UMODL1: variants seen among roughly 807,000 people sequenced by gnomAD.
The protein encoded by UMODL1 is uromodulin like 1, also known as uromodulin-like 1.
In UMODL1, 128 loss-of-function variants were observed where a neutral mutation model predicts 136.3. The observed-to-expected ratio is 0.94, with a 90% CI of 0.81 to 1.09. The LOEUF (loss-of-function observed/expected upper bound fraction) is 1.09, where lower values mean the gene tolerates loss of function less well. Among genes scored for constraint, UMODL1 ranks in the 50% least tolerant of loss-of-function variants. UMODL1 has a pLI of 0.00. For synonymous variants in UMODL1, 721 were observed against 720.0 expected (o/e 1.00, Z -0.02); for missense variants, 1,766 against 1,725.6 (o/e 1.02, Z -0.41).
In UMODL1 at chr21:42,122,855, G is replaced by A. The variant is rs770492296; in HGVS notation, c.2852G>A (p.Trp951Ter). The change falls in exon 17 of 23, where the codon TGG becomes TAG. Residue 951 changes from tryptophan to a stop codon, truncating the protein, a stop_gained. Coordinates refer to ENST00000408910, the MANE Select transcript of UMODL1 (RefSeq NM_001004416.3). LOFTEE classifies it high-confidence loss of function. This position sits in a 1 kb window ranked among gnomAD's most constrained non-coding sequence, Gnocchi z 4.3. ...GGTGACTCTCCTGGCAATGAAACCT[G>A]GGCCACCAGCCCAGAGAGGCCTCTC... ...CEGDSPGNET[W>*]ATSPERPLTT... 1.2e-6 allele frequency: 2 copies of A among 1,601,032 alleles called. No homozygotes were observed. The highest frequency in any genetic ancestry group is 2.2e-5 in the South Asian group (2 of 90,496).
upstream of UMODL1, among the ~76,000 whole-genome samples, chr21:42,069,259 C>CACACACACACAT (rs1418760211): frequency 6.6e-6 from 1 of 151,810 alleles, no homozygotes; most frequent in African/African-American, 2.4e-5. Flanking sequence ...CACACACACA[C>CACACACACACAT]ACACACACAA....
At chr21:42,070,705 A>G (rs1400483978), upstream of UMODL1, among the ~76,000 whole-genome samples, 2 of 152,220 alleles carry the variant, frequency 1.3e-5, no homozygotes, top group Non-Finnish European at 2.9e-5. Flanking sequence ...CTGTCCAATT[A>G]TGTAATTTCC....
chr21:42,110,318 C>T (rs915339525), intron 10 of UMODL1, among the ~76,000 whole-genome samples: 1 of 152,226 alleles, frequency 6.6e-6, no homozygotes, highest in African/African-American at 2.4e-5. Context: ...GCAGAGGCGC[C>T]CAGCCACTGG....
At chr21:42,067,035 C>T (rs980576289), upstream of UMODL1, among the ~76,000 whole-genome samples, 5 of 148,698 alleles carry the variant, frequency 3.4e-5, no homozygotes, top group Non-Finnish European at 5.9e-5. Flanking sequence ...AGTGCAGTGG[C>T]GCGATCTTGG....
Position 42,076,017 on chromosome 21 carries a change from C to G in UMODL1, c.89C>G (p.Ser30Cys), listed in dbSNP as rs757493344. The stretch of plus-strand genomic sequence containing the variant: ...TGGCCTCTTTCAGAAAAAGGCCTCT[C>G]CCTGTTGGGCTACCAGCTATGCAGC... The part of the protein sequence containing the change: ...QASGFTEKGL[S>C]LLGYQLCSHR... Residue 30 changes from serine (S) to cysteine (C), a missense_variant, in exon 2 of 23, where the codon TCC becomes TGC. Coordinates refer to ENST00000408910, the MANE Select transcript of UMODL1 (RefSeq NM_001004416.3). The G allele has an allele frequency of 9.3e-6, 15 of 1,613,928 alleles. No homozygotes were observed. Among genetic ancestry groups the G allele is most frequent in the Non-Finnish European group, 1.3e-5 (15 of 1,179,782 alleles).
chr21:42,087,573 G>A (rs1033822846), intron 4 of UMODL1, among the ~76,000 whole-genome samples: 1 of 152,242 alleles, frequency 6.6e-6, no homozygotes, highest in Admixed American at 6.5e-5. Flanking sequence ...ATAATTGGAT[G>A]TGTACAACAG....
In UMODL1 at chr21:42,127,154, A is replaced by G; in HGVS notation, c.3442A>G (p.Ser1148Gly). 1 of 1,614,210 alleles carries G rather than the reference A, an allele frequency of 6.2e-7. No individual in the cohort carries two copies. The highest frequency in any genetic ancestry group is 1.3e-5 in the African/African-American group (1 of 75,050). ...RIEVGLYRQK[S>G]NLKVVLTECW... is the part of the protein sequence containing the mutation. The stretch of plus-strand genomic sequence containing the variant: ...CGAAGTGGGGCTCTACAGGCAGAAA[A>G]GCAACCTCAAGGTGGTCCTGACGGA... Residue 1148 changes from serine (S) to glycine (G), a missense_variant, in exon 19 of 23, where the codon AGC (serine) becomes GGC (glycine). By Grantham distance (56) the Ser-to-Gly change is moderately conservative. Coordinates refer to ENST00000408910, the MANE Select transcript of UMODL1 (RefSeq NM_001004416.3).
intron 9 of UMODL1, chr21:42,108,517 T>G: frequency 2.5e-6 from 1 of 403,014 alleles, no homozygotes; most frequent in Admixed American, 2.7e-5. Flanking sequence ...AGCAGCAGGG[T>G]TTTCTTTGCC....
intron 2 of UMODL1, among the ~76,000 whole-genome samples, chr21:42,079,965 G>A (rs993458407): frequency 6.6e-6 from 1 of 152,232 alleles, no homozygotes; most frequent in African/African-American, 2.4e-5. Flanking sequence ...CCCTGCCTGT[G>A]CCGGGGCCTG....
chr21:42,095,002 G>A (rs1039938813), intron 6 of UMODL1, among the ~76,000 whole-genome samples: 25 of 151,816 alleles, frequency 1.6e-4, no homozygotes, highest in Admixed American at 1.2e-3. Flanking sequence ...GAGGCTCTGG[G>A]AGAATCCATT....
intron 6 of UMODL1, among the ~76,000 whole-genome samples, chr21:42,092,829 C>G (rs2066507657): frequency 6.6e-6 from 1 of 151,502 alleles, no homozygotes; most frequent in African/African-American, 2.4e-5. Context: ...TAGACTAACC[C>G]CAAGAGGCAA....
rs78568848 is a variant in UMODL1, at chr21:42,088,612, A to G, written c.790+132A>G. 1.8e-3 allele frequency: 1,753 copies of G among 950,916 alleles called. 29 individuals carry two copies. The African/African-American group carries it at 0.025, about 14-fold the overall frequency. 58.9% of individuals were successfully genotyped at this position (950,916 alleles called of 1,614,324 possible). On this transcript the variant is annotated intron_variant, in intron 5 of 22. Transcript: ENST00000408910. ...GAGGTTTAAGTTCAGGAGCAAAAGA[A>G]TAACTGGTTCAAGTGTGTTCATCCC...
chr21:42,099,309 TC>T lies in UMODL1; in HGVS notation c.1186+131del. 7.5e-7 allele frequency: 1 copy of T among 1,334,882 alleles called. No individual in the cohort carries two copies. 82.7% of individuals were successfully genotyped at this position (1,334,882 alleles called of 1,614,324 possible). On this transcript the variant is annotated intron_variant, in intron 7 of 22. Transcript: ENST00000408910. The surrounding 1 kb of genome is among the most constrained non-coding windows in gnomAD (Gnocchi z 4.1). ...CAGAAGTCACTGACCGCCCTGCACT[TC>T]CTCCCTCCCCTCCCAGTCATCCCAC...
At chr21:42,132,302 G>A (rs1047514361) in intron 21 of UMODL1, among the ~76,000 whole-genome samples, 1 of 142,708 alleles carries the variant, frequency 7.0e-6, no homozygotes, top group Non-Finnish European at 1.5e-5. Context: ...ATCCATCCAT[G>A]CACTCATCTA....
intron 14 of UMODL1, among the ~76,000 whole-genome samples, chr21:42,117,349 G>A (rs2066913967): frequency 6.6e-6 from 1 of 152,194 alleles, no homozygotes; most frequent in African/African-American, 2.4e-5. Flanking sequence ...CGCACTGGGC[G>A]GCTCCCGCCT....
intron 2 of UMODL1, among the ~76,000 whole-genome samples, chr21:42,078,081 C>G (rs1216516810): frequency 6.6e-6 from 1 of 152,210 alleles, no homozygotes; most frequent in Non-Finnish European, 1.5e-5. Context: ...CAGGCATGTT[C>G]CTCTTTCAGG....
Position 42,109,713 on chromosome 21 carries a change from C to A in UMODL1, c.1657+14C>A. On this transcript the variant is annotated intron_variant, in intron 10 of 22. Coordinates refer to ENST00000408910, the MANE Select transcript of UMODL1 (RefSeq NM_001004416.3). ...GGGCCTGTGAGGGTACGTGTCGACC[C>A]CCCTGCCGACTCTGGGAAGACCCCC... is the stretch of plus-strand genomic sequence containing the variant. 6.3e-7 allele frequency: 1 copy of A among 1,598,456 alleles called. No homozygotes were observed. The highest frequency in any genetic ancestry group is 8.5e-7 in the Non-Finnish European group (1 of 1,179,088).
At position 42,111,033 on chromosome 21, in the gene UMODL1, C is replaced by T. The variant is rs372237023; in HGVS notation, c.1811C>T (p.Ala604Val). The T allele has an allele frequency of 5.6e-6, 9 of 1,613,120 alleles. No homozygotes were observed. The highest frequency in any genetic ancestry group is 7.6e-6 in the Non-Finnish European group (9 of 1,179,778). ...YPQGTPAAGQ[A>V]WTPEPSPRRG... ...CAGGGCACCCCGGCAGCAGGCCAGG[C>T]CTGGACCCCAGAGCCCTCACCCAGA... The change falls in exon 11 of 23, where the codon GCC (alanine) becomes GTC (valine). Residue 604 changes from alanine (A) to valine (V), a missense_variant. Coordinates refer to ENST00000408910, the MANE Select transcript of UMODL1 (RefSeq NM_001004416.3).
chr21:42,096,433 A>G (rs1240737842), intron 6 of UMODL1, among the ~76,000 whole-genome samples: 1 of 152,220 alleles, frequency 6.6e-6, no homozygotes, highest in African/African-American at 2.4e-5. Context: ...AAGAGTAAAT[A>G]TACTTATTAA....
Sources: gnomAD v4.1 joint callset for allele counts (sites outside exome capture counted in the v4.1 genomes callset) on GRCh38, gnomAD v4.1.1 for gene constraint, Gnocchi (gnomAD v3.1) non-coding constraint, MANE v1.5 for transcripts, NCBI Gene and HGNC (gene_info 2026-07-23, HGNC 2026-07-21) for gene names.